The following CNOT4 variants were observed in gnomAD, a reference collection of about 807,000 sequenced individuals.
CNOT4 encodes CCR4-associated factor 4.
Under a neutral mutation model 73.8 loss-of-function variants are expected in CNOT4, and 8 were observed. The observed-to-expected ratio is 0.11, with a 90% CI of 0.06 to 0.20. CNOT4 has a LOEUF of 0.20. CNOT4 is among the 10% of genes least tolerant of loss of function. The probability of loss-of-function intolerance (pLI) is 1.00; values close to 1 mark genes in which losing one functional copy is unlikely to be tolerated. For missense variants in CNOT4, 564 were observed against 883.4 expected (o/e 0.64, Z 4.58); for synonymous variants, 293 against 321.1 (o/e 0.91, Z 0.94).
intron 2 of CNOT4, among the ~76,000 whole-genome samples, chr7:135,437,168 G>A (rs1180585777): frequency 6.6e-6 from 1 of 151,726 alleles, no homozygotes; most frequent in Non-Finnish European, 1.5e-5. Flanking sequence ...GATTTTTAGA[G>A]TTAGGAGGGG....
intron 10 of CNOT4, among the ~76,000 whole-genome samples, chr7:135,390,121 T>C (rs1796324120): frequency 6.6e-6 from 1 of 152,106 alleles, no homozygotes; most frequent in African/African-American, 2.4e-5. Flanking sequence ...CATGAGTTGA[T>C]ACTGTTGATA....
At chr7:135,485,542 A>C (rs1167963051) in intron 1 of CNOT4, among the ~76,000 whole-genome samples, 1 of 152,214 alleles carries the variant, frequency 6.6e-6, no homozygotes, top group African/African-American at 2.4e-5. Context: ...CTGATGAAGA[A>C]AGAGACATAT....
chr7:135,376,772 T>C (rs1795545314), intron 10 of CNOT4, among the ~76,000 whole-genome samples: 1 of 152,210 alleles, frequency 6.6e-6, no homozygotes, highest in African/African-American at 2.4e-5. Context: ...TCGAATTGTC[T>C]TAAGCATTTA....
At chr7:135,405,855 TAAG>T (rs1797252962) in intron 7 of CNOT4, among the ~76,000 whole-genome samples, 1 of 152,212 alleles carries the variant, frequency 6.6e-6, no homozygotes, top group African/African-American at 2.4e-5. Flanking sequence ...AATCACATTT[TAAG>T]CTTAGAGCCT....
intron 1 of CNOT4, among the ~76,000 whole-genome samples, chr7:135,480,998 A>G (rs547154348): frequency 2.3e-4 from 35 of 151,958 alleles, no homozygotes; most frequent in African/African-American, 7.7e-4. Flanking sequence ...AAAACTGGAA[A>G]AAAAAAAAAC....
intron 1 of CNOT4, among the ~76,000 whole-genome samples, chr7:135,505,035 ATTATT>A (rs1804273339): frequency 6.6e-6 from 1 of 152,100 alleles, no homozygotes; most frequent in Non-Finnish European, 1.5e-5. Flanking sequence ...GCCAATTTTG[ATTATT>A]TTGATTTCAA....
intron 1 of CNOT4, among the ~76,000 whole-genome samples, chr7:135,449,488 A>AT (rs1800035522): frequency 6.6e-6 from 1 of 152,234 alleles, no homozygotes; most frequent in Admixed American, 6.5e-5. Context: ...TGTGATCAAT[A>AT]AGCCCACATC....
At chr7:135,392,493 A>C (rs898219176) in intron 10 of CNOT4, among the ~76,000 whole-genome samples, 7 of 152,160 alleles carry the variant, frequency 4.6e-5, no homozygotes, top group Non-Finnish European at 8.8e-5. Context: ...TGATTAAAGC[A>C]AAGTAAAATC....
intron 1 of CNOT4, among the ~76,000 whole-genome samples, chr7:135,442,728 C>CAGG (rs2129485517): frequency 1.3e-5 from 2 of 152,150 alleles, no homozygotes; most frequent in East Asian, 3.9e-4. Context: ...GAGTGGGGTG[C>CAGG]AGGAGTCCTT....
chr7:135,449,339 A>C (rs1381885968), intron 1 of CNOT4, among the ~76,000 whole-genome samples: 4 of 152,202 alleles, frequency 2.6e-5, no homozygotes, highest in Non-Finnish European at 4.4e-5. Context: ...TCTACTTTAT[A>C]ACGAAACTGT....
chr7:135,379,508 T>C (rs1374013060), intron 10 of CNOT4, among the ~76,000 whole-genome samples: 1 of 152,118 alleles, frequency 6.6e-6, no homozygotes, highest in Non-Finnish European at 1.5e-5. Flanking sequence ...AGGAAACATA[T>C]CTGGTAGCAA....
At chr7:135,450,356 T>A (rs1800083582) in intron 1 of CNOT4, among the ~76,000 whole-genome samples, 1 of 152,116 alleles carries the variant, frequency 6.6e-6, no homozygotes, top group African/African-American at 2.4e-5. Flanking sequence ...GACTCCTCTG[T>A]CACCCAGGCT....
chr7:135,394,949 T>C (rs1035624587), intron 9 of CNOT4, among the ~76,000 whole-genome samples: 1 of 152,108 alleles, frequency 6.6e-6, no homozygotes, highest in African/African-American at 2.4e-5. Flanking sequence ...TGAGAGAATT[T>C]AGAATGGATA....
intron 1 of CNOT4, 95 bp downstream of exon 1, chr7:135,509,794 G>A: frequency 2.7e-6 from 1 of 365,982 alleles, no homozygotes; most frequent in East Asian, 4.0e-5. Flanking sequence ...TGGGGAGAAA[G>A]GGGGGTGCGG....
chr7:135,505,176 C>T (rs78788784), intron 1 of CNOT4, among the ~76,000 whole-genome samples: 14,925 of 152,128 alleles, frequency 0.098, 1,003 homozygotes, highest in Admixed American at 0.21. Context: ...ATCCTAATAG[C>T]AATACATCAT....
chr7:135,369,502 A>C (rs1795082288), intron 10 of CNOT4, among the ~76,000 whole-genome samples: 1 of 152,264 alleles, frequency 6.6e-6, no homozygotes, highest in Admixed American at 6.5e-5. Flanking sequence ...CAAAAGGCTC[A>C]ATACAACCTG....
chr7:135,482,418 T>C (rs1224493658), intron 1 of CNOT4, among the ~76,000 whole-genome samples: 1 of 151,630 alleles, frequency 6.6e-6, no homozygotes, highest in East Asian at 2.0e-4. Context: ...CGGTCAGGTG[T>C]GGTGGTACAC....
intron 1 of CNOT4, among the ~76,000 whole-genome samples, chr7:135,505,856 T>C (rs1179482820): frequency 1.3e-5 from 2 of 152,180 alleles, no homozygotes; most frequent in Non-Finnish European, 1.5e-5. Context: ...AGTTAGATTC[T>C]ATTATAGTAG....
At chr7:135,384,816 G>T in intron 10 of CNOT4, 1 of 726,938 alleles carries the variant, frequency 1.4e-6, no homozygotes, top group South Asian at 1.4e-5. Context: ...CATCTTGTTT[G>T]TCTCTTCAAC....
Sources: gnomAD v4.1 joint callset for allele counts (sites outside exome capture counted in the v4.1 genomes callset) on GRCh38, gnomAD v4.1.1 for gene constraint, MANE v1.5 for transcripts, NCBI Gene and HGNC (gene_info 2026-07-23, HGNC 2026-07-21) for gene names.